The following SLC60A2 variants were observed in gnomAD, a reference collection of about 807,000 sequenced individuals.
The protein encoded by SLC60A2 is major facilitator superfamily domain containing 4B.
the SLC60A2 span, among the ~76,000 whole-genome samples, chr6:111,272,498 CTTCT>C: frequency 1.4e-5 from 2 of 145,842 alleles, no homozygotes; most frequent in African/African-American, 5.3e-5. Context: ...GAACTTCTTC[CTTCT>C]AACTGTATTT....
chr6:111,274,726 C>T, the SLC60A2 span, among the ~76,000 whole-genome samples: 5 of 152,182 alleles, frequency 3.3e-5, no homozygotes, highest in African/African-American at 1.2e-4. Context: ...TGGTGATTAT[C>T]ATCTTTTTGC....
chr6:111,270,795 A>C, the SLC60A2 span: 1 of 151,926 alleles, frequency 6.6e-6, no homozygotes, highest in Non-Finnish European at 1.5e-5. Flanking sequence ...CAGTGAGCCG[A>C]GATGGTGCCA....
the SLC60A2 span, among the ~76,000 whole-genome samples, chr6:111,262,737 G>T: frequency 6.6e-6 from 1 of 152,142 alleles, no homozygotes; most frequent in African/African-American, 2.4e-5. Context: ...TGCTTAGAGG[G>T]TTTAGGGCAG....
chr6:111,265,486 T>C, the SLC60A2 span: 108 of 633,774 alleles, frequency 1.7e-4, no homozygotes, highest in Non-Finnish European at 2.1e-4. Flanking sequence ...CAGAAAGCTT[T>C]GGTAATTTGG....
the SLC60A2 span, among the ~76,000 whole-genome samples, chr6:111,277,754 T>G: frequency 7.4e-3 from 1,126 of 152,348 alleles, 17 homozygotes; most frequent in African/African-American, 0.025. Flanking sequence ...CTTGTCTATG[T>G]CTTTGGGGTA....
chr6:111,266,167 G>A, the SLC60A2 span: 7 of 1,605,228 alleles, frequency 4.4e-6, no homozygotes, highest in Non-Finnish European at 5.9e-6. Flanking sequence ...ATTTTTTTTT[G>A]TCTGTTTTTA....
the SLC60A2 span, chr6:111,265,818 T>A: frequency 2.7e-6 from 4 of 1,454,552 alleles, no homozygotes; most frequent in Non-Finnish European, 3.7e-6. Context: ...TGAACTTTTT[T>A]TTTTAATAAG....
the SLC60A2 span, chr6:111,266,717 A>G: frequency 6.2e-7 from 1 of 1,614,202 alleles, no homozygotes; most frequent in East Asian, 2.2e-5. Context: ...ATTTGCCTGT[A>G]GTTCTGTATA....
the SLC60A2 span, chr6:111,259,767 C>T: frequency 1.9e-6 from 3 of 1,542,450 alleles, no homozygotes; most frequent in Non-Finnish European, 2.6e-6. Flanking sequence ...CCGGGGCGTT[C>T]GAGTCTTGCC....
the SLC60A2 span, among the ~76,000 whole-genome samples, chr6:111,279,042 T>C: frequency 1.3e-5 from 2 of 152,204 alleles, no homozygotes; most frequent in African/African-American, 4.8e-5. Flanking sequence ...AATACCAATT[T>C]GGTCTGGAGT....
the SLC60A2 span, chr6:111,267,310 A>T: frequency 1.8e-6 from 1 of 551,392 alleles, no homozygotes. Context: ...AAATGGTCTC[A>T]TACACGTACA....
the SLC60A2 span, among the ~76,000 whole-genome samples, chr6:111,279,848 G>A: frequency 1.3e-5 from 2 of 152,108 alleles, no homozygotes; most frequent in Non-Finnish European, 2.9e-5. Context: ...GCCAAGGCGG[G>A]AGGATACCTT....
At chr6:111,269,697 T>A in the SLC60A2 span, 3 of 152,262 alleles carry the variant, frequency 2.0e-5, no homozygotes, top group East Asian at 5.8e-4. Context: ...GAGAGAAGGA[T>A]GATGATAAGA....
chr6:111,279,329 T>C, the SLC60A2 span, among the ~76,000 whole-genome samples: 31 of 151,622 alleles, frequency 2.0e-4, no homozygotes, highest in Non-Finnish European at 7.4e-5. Flanking sequence ...TGGCGCTATC[T>C]CAGCTCACTG....
the SLC60A2 span, among the ~76,000 whole-genome samples, chr6:111,265,056 G>A: frequency 3.9e-5 from 6 of 152,276 alleles, 1 homozygote; most frequent in African/African-American, 1.4e-4. Flanking sequence ...TTGTGCCATT[G>A]CACTCCAGCC....
chr6:111,265,804 T>C, the SLC60A2 span: 1 of 1,318,590 alleles, frequency 7.6e-7, no homozygotes, highest in Non-Finnish European at 1.0e-6. Context: ...CCCTTTCTGA[T>C]AAGTGAACTT....
chr6:111,264,644 C>T, the SLC60A2 span, among the ~76,000 whole-genome samples: 282 of 151,784 alleles, frequency 1.9e-3, 1 homozygote, highest in African/African-American at 6.6e-3. Context: ...AAAAATTAGC[C>T]GGGTGTGGTG....
the SLC60A2 span, chr6:111,266,606 G>A: frequency 3.1e-6 from 5 of 1,614,152 alleles, no homozygotes; most frequent in Non-Finnish European, 3.4e-6. Context: ...AGCAGTACAC[G>A]ACCATCCATG....
chr6:111,277,716 G>A, the SLC60A2 span, among the ~76,000 whole-genome samples: 1 of 152,176 alleles, frequency 6.6e-6, no homozygotes, highest in South Asian at 2.1e-4. Flanking sequence ...GTTCCTTGGT[G>A]TGTGTTTTTG....
Sources: allele counts gnomAD v4.1 joint callset (sites outside exome capture counted in the v4.1 genomes callset), GRCh38; gene constraint gnomAD v4.1.1; transcripts MANE v1.5; gene names NCBI Gene and HGNC (gene_info 2026-07-23, HGNC 2026-07-21).